The following ITPRID1 variants were observed in gnomAD, a reference collection of about 807,000 sequenced individuals.
The protein encoded by ITPRID1 is ITPR interacting domain containing 1.
ITPRID1 carries 96 observed loss-of-function variants against 95.4 expected under a neutral mutation model. The observed-to-expected ratio is 1.01, with a 90% CI of 0.85 to 1.19. The LOEUF (loss-of-function observed/expected upper bound fraction) is 1.19, where lower values mean the gene tolerates loss of function less well. Among genes scored for constraint, ITPRID1 ranks in the 50% most tolerant of loss-of-function variants. The pLI is 0.00. For missense variants in ITPRID1, 1,339 were observed against 1,252.9 expected (o/e 1.07, Z -1.04); for synonymous variants, 510 against 453.6 (o/e 1.12, Z -1.58).
At chr7:31,634,735 T>C (rs1396905800) in intron 10 of ITPRID1, among the ~76,000 whole-genome samples, 1 of 152,164 alleles carries the variant, frequency 6.6e-6, no homozygotes. Flanking sequence ...GGATTCCATT[T>C]ACACAACTGG....
At chr7:31,540,850 A>G (rs954018091) in intron 1 of ITPRID1, among the ~76,000 whole-genome samples, 1 of 152,160 alleles carries the variant, frequency 6.6e-6, no homozygotes. Flanking sequence ...GAAACCCTCT[A>G]CAGGGACTGT....
intron 1 of ITPRID1, among the ~76,000 whole-genome samples, chr7:31,538,062 T>C (rs1783817218): frequency 6.6e-6 from 1 of 152,200 alleles, no homozygotes; most frequent in Non-Finnish European, 1.5e-5. Context: ...TTCTAAACTT[T>C]TGCTCTAACA....
intron 10 of ITPRID1, among the ~76,000 whole-genome samples, chr7:31,629,682 G>T (rs555825680): frequency 6.6e-6 from 1 of 152,158 alleles, no homozygotes. Flanking sequence ...CTCTCAAAAA[G>T]CATCCTCATA....
At position 31,656,095 on chromosome 7, in the gene ITPRID1, A is replaced by T; in HGVS notation, c.*3266A>T. 1 of 886,350 alleles carries T rather than the reference A, an allele frequency of 1.1e-6. No individual in the cohort carries two copies. The highest frequency in any genetic ancestry group is 1.4e-6 in the Non-Finnish European group (1 of 739,692). 54.9% of individuals were successfully genotyped at this position (886,350 alleles called of 1,614,324 possible). A position where few individuals can be genotyped will look rare whatever the true frequency, so the allele number is the denominator to read the frequency against. On this transcript the variant is annotated 3_prime_UTR_variant, in exon 15 of 15. Coordinates refer to ENST00000615280, the MANE Select transcript of ITPRID1 (RefSeq NM_001257967.3). ...GCTTTCCTTGATGATCTGTGGCAGA[A>T]GTGATCCTTATTTTTTGAAACTCCT...
At chr7:31,607,952 A>ATT (rs373266169) in intron 10 of ITPRID1, among the ~76,000 whole-genome samples, 17 of 150,150 alleles carry the variant, frequency 1.1e-4, no homozygotes, top group South Asian at 2.1e-4. Flanking sequence ...ATAGCATCCT[A>ATT]TTTTTTTTTG....
At chr7:31,529,694 G>A (rs938701523) in intron 1 of ITPRID1, 4 of 1,312,790 alleles carry the variant, frequency 3.0e-6, no homozygotes, top group Non-Finnish European at 4.2e-6. Context: ...CAGTCACAAG[G>A]GCTTTGTAGT....
chr7:31,580,575 T>A (rs1333269764), intron 9 of ITPRID1, among the ~76,000 whole-genome samples: 1 of 152,168 alleles, frequency 6.6e-6, no homozygotes, highest in African/African-American at 2.4e-5. Flanking sequence ...TTGGTATACT[T>A]TCAAGAATTT....
intron 7 of ITPRID1, 26 bp downstream of exon 7, chr7:31,572,214 T>A (rs1785018080): frequency 3.6e-6 from 5 of 1,407,832 alleles, no homozygotes; most frequent in Non-Finnish European, 5.0e-6. Flanking sequence ...GTGCTTTTCA[T>A]CCTGAGAAAT....
intron 1 of ITPRID1, among the ~76,000 whole-genome samples, chr7:31,516,965 G>A (rs1346143353): frequency 6.6e-6 from 1 of 152,184 alleles, no homozygotes; most frequent in African/African-American, 2.4e-5. Context: ...GTGGGTTTGT[G>A]GTCTCACTTC....
chr7:31,545,565 T>A (rs574388396), intron 1 of ITPRID1, among the ~76,000 whole-genome samples: 18 of 152,204 alleles, frequency 1.2e-4, no homozygotes, highest in Non-Finnish European at 2.4e-4. Context: ...AAGCAGTATA[T>A]ATAGTCTTTG....
intron 5 of ITPRID1, among the ~76,000 whole-genome samples, chr7:31,565,569 C>G (rs899020806): frequency 6.6e-6 from 1 of 152,054 alleles, no homozygotes; most frequent in African/African-American, 2.4e-5. Flanking sequence ...AAACCTGTCT[C>G]TACTAAAAAT....
In ITPRID1 at chr7:31,547,644, CCTT is replaced by C. The variant is rs574302844; in HGVS notation, c.-97-1778_-97-1776del. Among the ~76,000 whole-genome samples the C allele has an allele frequency of 9.3e-3, 1,410 of 152,082 alleles. 10 individuals carry two copies. Among genetic ancestry groups the C allele is most frequent in the Non-Finnish European group, 0.015 (1,036 of 67,958 alleles). On this transcript the variant is annotated intron_variant, in intron 1 of 14. Transcript: ENST00000615280. ...AGGACACAGCCAAACCATAGCAGCT[CCTT>C]CTTTTTTTTAGTGCTTTAATGTGGG...
chr7:31,609,160 C>T (rs915931656), intron 10 of ITPRID1, among the ~76,000 whole-genome samples: 1 of 151,416 alleles, frequency 6.6e-6, no homozygotes, highest in African/African-American at 2.4e-5. Context: ...GCCTTGCATT[C>T]CTGAGATGGG....
chr7:31,634,119 C>A (rs568848356), intron 10 of ITPRID1, among the ~76,000 whole-genome samples: 8 of 152,220 alleles, frequency 5.3e-5, no homozygotes, highest in African/African-American at 1.2e-4. Flanking sequence ...TGATTATTCC[C>A]ACAAAGTGCC....
chr7:31,583,792 C>T (rs1459979984), intron 10 of ITPRID1, among the ~76,000 whole-genome samples: 1 of 152,164 alleles, frequency 6.6e-6, no homozygotes, highest in Non-Finnish European at 1.5e-5. Flanking sequence ...TTTCATGGGA[C>T]TGAGCCTGAC....
intron 12 of ITPRID1, among the ~76,000 whole-genome samples, chr7:31,648,114 G>A (rs1790646867): frequency 6.6e-6 from 1 of 152,124 alleles, no homozygotes; most frequent in African/African-American, 2.4e-5. Flanking sequence ...CTGAATATTA[G>A]AAGTGCTTCC....
At chr7:31,564,682 A>G (rs1784736911) in intron 5 of ITPRID1, among the ~76,000 whole-genome samples, 1 of 152,148 alleles carries the variant, frequency 6.6e-6, no homozygotes, top group Non-Finnish European at 1.5e-5. Context: ...CTGTGATGGC[A>G]TTCCCTAGGC....
chr7:31,651,154 G>A lies in ITPRID1; in HGVS notation c.2596G>A (p.Glu866Lys). 2 of 1,613,370 alleles carry A rather than the reference G, an allele frequency of 1.2e-6. No individual in the cohort carries two copies. Among genetic ancestry groups the A allele is most frequent in the Non-Finnish European group, 1.7e-6 (2 of 1,179,450 alleles). Residue 866 changes from glutamate to lysine, a missense_variant, in exon 13 of 15, where the codon GAG becomes AAG. Glu to Lys is a moderately conservative substitution (Grantham distance 56, BLOSUM62 1). Transcript: ENST00000615280. ...VRELCSCTVH[E>K]MEAMKTICQS... ...TCATTGTTCTCAGTGCACAGTCCAT[G>A]AGATGGAAGCCATGAAGACGATATG...
In ITPRID1 at chr7:31,568,831, G is replaced by A. The variant is rs533051723; in HGVS notation, c.257-927G>A. ...ACTCCTCTTTCTGTCTTTCAAATAA[G>A]CTATAAGATGCTCTGTTGGCAGTGT... On this transcript the variant is annotated intron_variant, in intron 5 of 14. Coordinates refer to ENST00000615280, the MANE Select transcript of ITPRID1 (RefSeq NM_001257967.3). Among the ~76,000 whole-genome samples, 2 of 152,214 alleles carry A rather than the reference G, an allele frequency of 1.3e-5. 1 individual carries two copies. The highest frequency in any genetic ancestry group is 1.3e-4 in the Admixed American group (2 of 15,276).
Sources: allele counts gnomAD v4.1 joint callset (sites outside exome capture counted in the v4.1 genomes callset), GRCh38; gene constraint gnomAD v4.1.1; transcripts MANE v1.5; gene names NCBI Gene and HGNC (gene_info 2026-07-23, HGNC 2026-07-21).